Variants in RAB37 observed in about 807,000 individuals in gnomAD.
RAB37 encodes ras-related protein Rab-37.
Under a neutral mutation model 33.1 loss-of-function variants are expected in RAB37, and 29 were observed. The observed-to-expected ratio is 0.88, with a 90% confidence interval of 0.65 to 1.20. RAB37 has a LOEUF of 1.20. RAB37 is among the 50% of genes most tolerant of loss of function. The pLI is 0.00. For missense variants in RAB37, 299 were observed against 301.1 expected (o/e 0.99, Z 0.05); for synonymous variants, 128 against 119.5 (o/e 1.07, Z -0.47).
chr17:74,732,678 G>A (rs977308626), upstream of RAB37, among the ~76,000 whole-genome samples: 6 of 72,216 alleles, frequency 8.3e-5, no homozygotes, highest in South Asian at 4.2e-4. Flanking sequence ...TGTATGTGGC[G>A]TGAGATGTGT....
At chr17:74,708,289 G>T (rs896448337) in intron 1 of RAB37, among the ~76,000 whole-genome samples, 3 of 151,854 alleles carry the variant, frequency 2.0e-5, no homozygotes, top group Non-Finnish European at 4.4e-5. Flanking sequence ...TAAAACTTCC[G>T]CCAGAATAAA....
chr17:74,701,866 A>C, intron 1 of RAB37, among the ~76,000 whole-genome samples: 1 of 140,704 alleles, frequency 7.1e-6, no homozygotes, highest in South Asian at 2.2e-4. Context: ...AAAAAAAAAA[A>C]CAATTAGCTG....
At chr17:74,735,014 G>GAAA (rs1598317930), upstream of RAB37, among the ~76,000 whole-genome samples, 1 of 64,268 alleles carries the variant, frequency 1.6e-5, no homozygotes, top group East Asian at 4.3e-4. Flanking sequence ...AGAAAGGAAG[G>GAAA]AAGGAAGAAA....
chr17:74,694,009 A>G (rs1407865176), intron 1 of RAB37, among the ~76,000 whole-genome samples: 1 of 152,128 alleles, frequency 6.6e-6, no homozygotes, highest in Non-Finnish European at 1.5e-5. Flanking sequence ...ACACACACAC[A>G]CACATGCAGA....
At chr17:74,714,783 A>G (rs1184705699) in intron 1 of RAB37, among the ~76,000 whole-genome samples, 5 of 152,078 alleles carry the variant, frequency 3.3e-5, no homozygotes, top group African/African-American at 1.2e-4. Flanking sequence ...CTCCTTTCCC[A>G]TCAAGACCCC....
At position 74,698,435 on chromosome 17, in the gene RAB37, T is replaced by A. The variant is rs149661344; in HGVS notation, c.72+26777T>A. On this transcript the variant is annotated intron_variant, in intron 1 of 7. Transcript: ENST00000340415. ...GCGGCCACCAAAAGCAGCAGCAATA[T>A]GGTGAAGATGAGGGGCAGGAGGACA... 4,640 of 1,613,886 alleles carry A rather than the reference T, an allele frequency of 2.9e-3. 6 individuals carry two copies. Among genetic ancestry groups the A allele is most frequent in the Non-Finnish European group, 3.5e-3 (4,163 of 1,179,982 alleles).
At chr17:74,727,428 G>T (rs140407100) in intron 1 of RAB37, among the ~76,000 whole-genome samples, 24 of 152,348 alleles carry the variant, frequency 1.6e-4, no homozygotes, top group Middle Eastern at 3.4e-3. Flanking sequence ...CAGAAAGGTT[G>T]CATGGAAGCA....
upstream of RAB37, among the ~76,000 whole-genome samples, chr17:74,733,537 GGTGAGGTGTGTATGGTCTGAGGT>G (rs2034423319): frequency 2.0e-3 from 1 of 508 alleles, no homozygotes; most frequent in East Asian, 0.056. Flanking sequence ...TGATTTGAGG[GGTGAGGTGTGTATGGTCTGAGGT>G]GTGTGTGTGT....
At chr17:74,695,150 G>A in intron 1 of RAB37, 1 of 1,614,194 alleles carries the variant, frequency 6.2e-7, no homozygotes, top group Non-Finnish European at 8.5e-7. Context: ...CCCTGCCGGG[G>A]AGGTGGCTAC....
intron 1 of RAB37, chr17:74,695,386 C>A: frequency 9.3e-7 from 1 of 1,077,990 alleles, no homozygotes; most frequent in South Asian, 1.6e-5. Flanking sequence ...CCAGCTTCCC[C>A]CTTCACTCTG....
At position 74,695,777 on chromosome 17, in the gene RAB37, G is replaced by A. The variant is rs765481112; in HGVS notation, c.72+24119G>A. The A allele has an allele frequency of 3.2e-5, 52 of 1,614,032 alleles. No individual in the cohort carries two copies. The highest frequency in any genetic ancestry group is 1.3e-4 in the South Asian group (12 of 91,092). The stretch of plus-strand genomic sequence containing the variant: ...GTCAACCTGGGCAGAGGAAAGCTTC[G>A]TGGTAGCCTTTTGCGGGGAGGTTCC... On this transcript the variant is annotated intron_variant, in intron 1 of 7. Transcript: ENST00000340415.
intron 2 of RAB37, among the ~76,000 whole-genome samples, chr17:74,741,502 C>T (rs2034614192): frequency 1.3e-5 from 2 of 151,098 alleles, no homozygotes; most frequent in South Asian, 4.2e-4. Context: ...AGGAGAATCG[C>T]TCAAATCCGG....
chr17:74,699,360 C>A (rs534862645), intron 1 of RAB37, among the ~76,000 whole-genome samples: 1 of 152,160 alleles, frequency 6.6e-6, no homozygotes, highest in Non-Finnish European at 1.5e-5. Flanking sequence ...GGTTGAATAG[C>A]GTCCTCTTCC....
chr17:74,707,918 C>A (rs1336140377), intron 1 of RAB37, among the ~76,000 whole-genome samples: 4 of 151,776 alleles, frequency 2.6e-5, no homozygotes, highest in African/African-American at 9.7e-5. Flanking sequence ...GAGGCCGAGG[C>A]AGGTGGATCA....
Position 74,729,121 on chromosome 17 carries a change from G to T in RAB37, c.73-135G>T, listed in dbSNP as rs182595552. On this transcript the variant is annotated intron_variant, in intron 1 of 7. Coordinates refer to the RAB37 transcript ENST00000340415. The surrounding 1 kb of genome is among the most constrained non-coding windows in gnomAD (Gnocchi z 4.2). ...ATGTGTGTGTCAGTGTCTTGTGTGT[G>T]TGTGTTTCTGTGTGTGTGTGTGCAT... 8.4e-4 allele frequency: 579 copies of T among 685,760 alleles called. 3 individuals carry two copies. In the East Asian group the frequency reaches 0.014, roughly 17 times the overall value. The allele number at this position is 685,760 out of a possible 1,614,324, so 42.5% of individuals were successfully genotyped here.
intron 2 of RAB37, 45 bp downstream of exon 2, chr17:74,740,923 G>C: frequency 7.1e-7 from 1 of 1,417,848 alleles, no homozygotes; most frequent in Non-Finnish European, 1.0e-6. Context: ...AGCCAGGGCT[G>C]TGGCTCAGGC....
Position 74,682,027 on chromosome 17 carries a change from C to T in RAB37, c.72+10369C>T, listed in dbSNP as rs1320540052. Among the ~76,000 whole-genome samples, 8 of 152,364 alleles carry T rather than the reference C, an allele frequency of 5.3e-5. No homozygotes were observed. The East Asian group carries it at 1.3e-3, about 26-fold the overall frequency. On this transcript the variant is annotated intron_variant, in intron 1 of 7. Transcript: ENST00000340415. Reference sequence around the variant, plus strand: ...TATCCCTGTCTCTGCTGTTAGCCAGCTGTACATTCTAGGTCATTCCATTCC... The same window carrying T: ...TATCCCTGTCTCTGCTGTTAGCCAGTTGTACATTCTAGGTCATTCCATTCC...
rs1598172044 is a variant in RAB37 at position 74,671,732 on chromosome 17, A to C, written c.72+74A>C. 1.5e-6 allele frequency: 2 copies of C among 1,366,750 alleles called. No homozygotes were observed. The highest frequency in any genetic ancestry group is 1.7e-5 in the Admixed American group (1 of 57,638). The allele number at this position is 1,366,750 out of a possible 1,614,324, so 84.7% of individuals were successfully genotyped here. A position where few individuals can be genotyped will look rare whatever the true frequency, so the allele number is the denominator to read the frequency against. On this transcript the variant is annotated intron_variant, in intron 1 of 7. Coordinates refer to the RAB37 transcript ENST00000340415. The surrounding 1 kb of genome is among the most constrained non-coding windows in gnomAD (Gnocchi z 5.0). ...ACCAGGAGTTTTCTCCACTCCCCTGACTTTGCTTTGGGACTTAATGAGAAA... is the reference window on the plus strand; with the variant it reads ...ACCAGGAGTTTTCTCCACTCCCCTGCCTTTGCTTTGGGACTTAATGAGAAA...
intron 1 of RAB37, among the ~76,000 whole-genome samples, chr17:74,687,250 G>C (rs1374452017): frequency 6.6e-6 from 1 of 150,636 alleles, no homozygotes; most frequent in African/African-American, 2.4e-5. Context: ...TTGAGATGGA[G>C]TCTTGCTCTA....
Sources: allele counts gnomAD v4.1 joint callset (sites outside exome capture counted in the v4.1 genomes callset), GRCh38; gene constraint gnomAD v4.1.1; non-coding constraint Gnocchi (gnomAD v3.1); transcripts MANE v1.5; gene names NCBI Gene and HGNC (gene_info 2026-07-23, HGNC 2026-07-21).